Variants in AVL9 observed in about 807,000 individuals in gnomAD.
The protein encoded by AVL9 is late secretory pathway protein AVL9 homolog.
In AVL9, 49 loss-of-function variants were observed where a neutral mutation model predicts 79.2. The ratio of observed to expected loss-of-function variants is 0.62; its 90% CI spans 0.49 to 0.79. AVL9 has a LOEUF of 0.79. Among genes scored for constraint, AVL9 ranks in the 30% least tolerant of loss-of-function variants. AVL9 has a pLI of 0.00. For missense variants in AVL9, 682 were observed against 776.8 expected (o/e 0.88, Z 1.45); for synonymous variants, 299 against 280.6 (o/e 1.07, Z -0.65).
chr7:32,572,727 A>G (rs1331120723), intron 11 of AVL9, among the ~76,000 whole-genome samples: 6 of 141,550 alleles, frequency 4.2e-5, no homozygotes, highest in African/African-American at 1.6e-4. Flanking sequence ...GCATGAACCC[A>G]GGAGGCAGAG....
chr7:32,518,336 T>G (rs1244657315), intron 1 of AVL9, among the ~76,000 whole-genome samples: 2 of 152,194 alleles, frequency 1.3e-5, no homozygotes, highest in Non-Finnish European at 2.9e-5. Context: ...GGTAAACGAT[T>G]AAAATAAAAT....
chr7:32,575,342 G>A (rs1003645945), intron 12 of AVL9, among the ~76,000 whole-genome samples: 4 of 152,012 alleles, frequency 2.6e-5, no homozygotes, highest in Admixed American at 6.6e-5. Context: ...CCAGTGATCC[G>A]CCCTCCTCGA....
intron 1 of AVL9, among the ~76,000 whole-genome samples, chr7:32,541,640 G>A (rs6963715): frequency 0.017 from 2,648 of 151,930 alleles, 73 homozygotes; most frequent in African/African-American, 0.06. Flanking sequence ...AAACTGGGAT[G>A]AAACCTGTAT....
chr7:32,513,640 A>G (rs1221394273), intron 1 of AVL9, among the ~76,000 whole-genome samples: 6 of 152,226 alleles, frequency 3.9e-5, no homozygotes, highest in Non-Finnish European at 7.3e-5. Context: ...ACCTGTGGGT[A>G]TTTCTCGCAA....
chr7:32,499,848 T>A (rs1458401615), intron 1 of AVL9, among the ~76,000 whole-genome samples: 3 of 152,316 alleles, frequency 2.0e-5, no homozygotes, highest in Admixed American at 2.0e-4. Context: ...CATGTGGTGT[T>A]TGGTTTTGTG....
intron 3 of AVL9, among the ~76,000 whole-genome samples, chr7:32,548,023 T>C (rs1184170912): frequency 1.3e-5 from 2 of 152,228 alleles, no homozygotes; most frequent in Admixed American, 6.5e-5. Context: ...AAATAAGTTA[T>C]GTGCTTGTGT....
At chr7:32,495,863 C>T (rs1396777799) in intron 1 of AVL9, 61 bp downstream of exon 1, 1 of 1,112,696 alleles carries the variant, frequency 9.0e-7, no homozygotes, top group Non-Finnish European at 1.2e-6. Context: ...CCGGGGCCCC[C>T]CTGCCCTGCT....
At chr7:32,577,199 G>A (rs529781631) in intron 13 of AVL9, among the ~76,000 whole-genome samples, 9 of 152,262 alleles carry the variant, frequency 5.9e-5, no homozygotes, top group African/African-American at 2.2e-4. Context: ...GCCAGGCGTG[G>A]TGGTGGGTGC....
chr7:32,553,768 G>T lies in AVL9; in HGVS notation c.570+1G>T, dbSNP rs1444080752. ...TCTTGTCCTTCATTTTCGACACAAG[G>T]TATGGTACCTTATTTAAATAAATTT... On this transcript the variant is annotated splice_donor_variant, in intron 7 of 15. Coordinates refer to ENST00000318709, the MANE Select transcript of AVL9 (RefSeq NM_015060.3). LOFTEE classifies it high-confidence loss of function. The T allele has an allele frequency of 6.2e-7, 1 of 1,606,658 alleles. No homozygotes were observed. Among genetic ancestry groups the T allele is most frequent in the Non-Finnish European group, 8.5e-7 (1 of 1,174,334 alleles).
chr7:32,546,800 G>T (rs1390639903), intron 3 of AVL9, among the ~76,000 whole-genome samples: 2 of 152,008 alleles, frequency 1.3e-5, no homozygotes, highest in African/African-American at 2.4e-5. Flanking sequence ...CTCCAGCCTG[G>T]CAGCAGAGCG....
chr7:32,550,695 G>C (rs2128137902), intron 4 of AVL9, among the ~76,000 whole-genome samples: 1 of 152,160 alleles, frequency 6.6e-6, no homozygotes, highest in East Asian at 1.9e-4. Context: ...ATTCTAAATA[G>C]AGAAATAAGC....
chr7:32,571,562 A>G (rs1182216144), intron 11 of AVL9, among the ~76,000 whole-genome samples: 1 of 151,942 alleles, frequency 6.6e-6, no homozygotes, highest in Non-Finnish European at 1.5e-5. Flanking sequence ...CACCCACACT[A>G]AGGTTTTTGT....
intron 1 of AVL9, chr7:32,537,936 G>C (rs1352280018): frequency 6.6e-6 from 1 of 152,176 alleles, no homozygotes; most frequent in Non-Finnish European, 1.5e-5. Context: ...AAAGTTGGCT[G>C]TTTGAAATTC....
At position 32,570,095 on chromosome 7, in the gene AVL9, G is replaced by A; in HGVS notation, c.1291G>A (p.Ala431Thr). The change falls in exon 11 of 16, where the codon GCT (alanine) becomes ACT (threonine). Residue 431 changes from alanine to threonine, a missense_variant. By Grantham distance (58) the Ala-to-Thr change is moderately conservative. Coordinates refer to ENST00000318709, the MANE Select transcript of AVL9 (RefSeq NM_015060.3). ...CGATGTCACCGTTCGGGGGTTTGTTGCTGGAGCTACTAACATCCTTTTTCG... is the reference window on the plus strand; with the variant it reads ...CGATGTCACCGTTCGGGGGTTTGTTACTGGAGCTACTAACATCCTTTTTCG... ...LSDVTVRGFV[A>T]GATNILFRQQ... 1 of 1,614,188 alleles carries A rather than the reference G, an allele frequency of 6.2e-7. No homozygotes were observed. The highest frequency in any genetic ancestry group is 8.5e-7 in the Non-Finnish European group (1 of 1,180,032).
chr7:32,558,060 T>TG lies in AVL9; in HGVS notation c.610-497dup, dbSNP rs1182905184. ...TAGTAGAGACGGGGTTTCAGCATGT[T>TG]GGTCAGGCTGGTCTCGATCTCCTGA... On this transcript the variant is annotated intron_variant, in intron 8 of 15. Transcript: ENST00000318709. 5.3e-5 allele frequency among the ~76,000 whole-genome samples: 8 copies of TG among 151,004 alleles called. 1 individual carries two copies. Among genetic ancestry groups the TG allele is most frequent in the Admixed American group, 5.3e-4 (8 of 15,150 alleles).
At chr7:32,523,972 A>T (rs1420247898) in intron 1 of AVL9, among the ~76,000 whole-genome samples, 1 of 151,554 alleles carries the variant, frequency 6.6e-6, no homozygotes, top group Non-Finnish European at 1.5e-5. Flanking sequence ...TGACCTCGTG[A>T]TCTGCCCACC....
chr7:32,579,418 T>TATATATA lies in AVL9; in HGVS notation c.1689-800_1689-794dup, dbSNP rs1491062743. 4.9e-3 allele frequency among the ~76,000 whole-genome samples: 26 copies of TATATATA among 5,340 alleles called. 12 individuals carry two copies. Among genetic ancestry groups the TATATATA allele is most frequent in the Non-Finnish European group, 5.8e-3 (18 of 3,112 alleles). The allele number at this position is 5,340 out of a possible 152,430, so 3.5% of individuals were successfully genotyped here. A position where few individuals can be genotyped will look rare whatever the true frequency, so the allele number is the denominator to read the frequency against. The stretch of plus-strand genomic sequence containing the variant: ...ATGTTATATATTATATATAATATGT[T>TATATATA]ATATATATAATATATATATTATATA... On this transcript the variant is annotated intron_variant, in intron 13 of 15. Coordinates refer to ENST00000318709, the MANE Select transcript of AVL9 (RefSeq NM_015060.3).
intron 13 of AVL9, among the ~76,000 whole-genome samples, chr7:32,577,153 G>A (rs1244510265): frequency 1.3e-5 from 2 of 152,170 alleles, no homozygotes; most frequent in East Asian, 3.9e-4. Flanking sequence ...CTAATGATGT[G>A]AAAACCCTGT....
rs1470108592 is a variant in AVL9, at chr7:32,579,597, A to T, written c.1689-622A>T. 5.7e-4 allele frequency among the ~76,000 whole-genome samples: 10 copies of T among 17,518 alleles called. 1 individual carries two copies. Among genetic ancestry groups the T allele is most frequent in the South Asian group, 3.0e-3 (2 of 674 alleles). 11.5% of individuals were successfully genotyped at this position (17,518 alleles called of 152,430 possible). ...TATTATATATTATATATTATATATT[A>T]TATATTATATTATATATTATATATA... is the stretch of plus-strand genomic sequence containing the variant. On this transcript the variant is annotated intron_variant, in intron 13 of 15. Transcript: ENST00000318709.
Sources: allele counts gnomAD v4.1 joint callset (sites outside exome capture counted in the v4.1 genomes callset), GRCh38; gene constraint gnomAD v4.1.1; transcripts MANE v1.5; gene names NCBI Gene and HGNC (gene_info 2026-07-23, HGNC 2026-07-21).